Variants in RPS6KC1 observed in about 807,000 individuals in gnomAD.
RPS6KC1 encodes ribosomal protein S6 kinase C1.
Under a neutral mutation model 103.8 loss-of-function variants are expected in RPS6KC1, and 54 were observed. That is an observed-to-expected ratio of 0.52 (90% CI 0.42 to 0.65). The LOEUF (loss-of-function observed/expected upper bound fraction) is 0.65. Among genes scored for constraint, RPS6KC1 ranks in the 30% least tolerant of loss-of-function variants. The pLI is 0.00. For synonymous variants in RPS6KC1, 439 were observed against 438.7 expected (o/e 1.00, Z -0.01); for missense variants, 1,151 against 1,253.8 (o/e 0.92, Z 1.24).
the RPS6KC1 span, chr1:213,819,271 A>G: frequency 6.6e-6 from 1 of 152,256 alleles, no homozygotes; most frequent in African/African-American, 2.4e-5. Context: ...GGTTCACCAC[A>G]CACTCCCTTC....
chr1:213,512,475 C>T, the RPS6KC1 span, among the ~76,000 whole-genome samples: 92,756 of 151,970 alleles, frequency 0.61, 29,333 homozygotes, highest in East Asian at 0.7. Context: ...GCTCTCCCAG[C>T]CTGCTACTTA....
the RPS6KC1 span, among the ~76,000 whole-genome samples, chr1:213,525,472 G>C: frequency 6.6e-6 from 1 of 152,126 alleles, no homozygotes; most frequent in Non-Finnish European, 1.5e-5. Context: ...AAAGTCTGGA[G>C]TTTAAAGAGA....
chr1:213,404,067 C>T, the RPS6KC1 span, among the ~76,000 whole-genome samples: 2 of 152,076 alleles, frequency 1.3e-5, no homozygotes, highest in Admixed American at 6.5e-5. Context: ...TGGATAGTCG[C>T]GGGGGCTGGG....
chr1:213,145,369 T>C (rs1166100617), intron 6 of RPS6KC1, among the ~76,000 whole-genome samples: 2 of 152,094 alleles, frequency 1.3e-5, no homozygotes, highest in Non-Finnish European at 1.5e-5. Flanking sequence ...TTAGAGTTTG[T>C]AGTTAGAGCT....
At chr1:213,793,077 T>C in the RPS6KC1 span, among the ~76,000 whole-genome samples, 2 of 152,110 alleles carry the variant, frequency 1.3e-5, no homozygotes, top group African/African-American at 2.4e-5. Context: ...AGTCTCCATA[T>C]AATCTCTCCC....
intron 8 of RPS6KC1, among the ~76,000 whole-genome samples, chr1:213,196,115 C>T (rs1453087490): frequency 2.0e-5 from 3 of 152,030 alleles, no homozygotes; most frequent in Non-Finnish European, 4.4e-5. Flanking sequence ...GAAGTGTTCC[C>T]TTTTCACCAC....
chr1:213,304,930 A>G, the RPS6KC1 span, among the ~76,000 whole-genome samples: 4 of 152,220 alleles, frequency 2.6e-5, no homozygotes, highest in Non-Finnish European at 5.9e-5. Flanking sequence ...TGCTTTACCT[A>G]TAGTGTTCTA....
In RPS6KC1 at chr1:213,117,305, T is replaced by G. The variant is rs534633318; in HGVS notation, c.379-12T>G. On this transcript the variant is annotated splice_polypyrimidine_tract_variant and intron_variant, in intron 4 of 14. Coordinates refer to ENST00000366960, the MANE Select transcript of RPS6KC1 (RefSeq NM_012424.6). Reference sequence around the variant, plus strand: ...TAATGCTAATGAAACACAATTGCTCTTATCTCTTTAGGGTGGAATAATTAA... The same window carrying G: ...TAATGCTAATGAAACACAATTGCTCGTATCTCTTTAGGGTGGAATAATTAA... 1.0e-4 allele frequency: 156 copies of G among 1,517,706 alleles called. No individual in the cohort carries two copies. Among genetic ancestry groups the G allele is most frequent in the Non-Finnish European group, 1.3e-4 (143 of 1,101,934 alleles). The allele number at this position is 1,517,706 out of a possible 1,614,324, so 94.0% of individuals were successfully genotyped here.
the RPS6KC1 span, among the ~76,000 whole-genome samples, chr1:213,815,612 A>C: frequency 2.0e-5 from 3 of 152,204 alleles, no homozygotes; most frequent in Admixed American, 6.5e-5. Context: ...AATAAAGCAA[A>C]TGTCATAATA....
chr1:213,699,177 C>A, the RPS6KC1 span, among the ~76,000 whole-genome samples: 1 of 151,874 alleles, frequency 6.6e-6, no homozygotes, highest in Non-Finnish European at 1.5e-5. Context: ...TTTTTGTACC[C>A]ATTAACCATC....
chr1:213,289,321 A>G, the RPS6KC1 span, among the ~76,000 whole-genome samples: 1 of 146,358 alleles, frequency 6.8e-6, no homozygotes, highest in Non-Finnish European at 1.5e-5. Flanking sequence ...CCTGGAATGG[A>G]GATGATTTAT....
the RPS6KC1 span, among the ~76,000 whole-genome samples, chr1:213,283,114 C>G: frequency 5.9e-5 from 9 of 152,142 alleles, no homozygotes; most frequent in Non-Finnish European, 8.8e-5. Context: ...CAGCTCTGCT[C>G]ACAACTAACA....
chr1:213,207,735 G>A (rs769890978), intron 8 of RPS6KC1, among the ~76,000 whole-genome samples: 7 of 151,916 alleles, frequency 4.6e-5, no homozygotes, highest in Admixed American at 6.6e-5. Flanking sequence ...GTGCAGTGGC[G>A]CGATCTCAGC....
At chr1:213,791,070 A>G in the RPS6KC1 span, among the ~76,000 whole-genome samples, 364 of 101,898 alleles carry the variant, frequency 3.6e-3, 1 homozygote, top group African/African-American at 0.026. Context: ...TATGAAATAT[A>G]AGAATCTGGG....
chr1:213,451,888 C>G, the RPS6KC1 span, among the ~76,000 whole-genome samples: 4 of 152,162 alleles, frequency 2.6e-5, no homozygotes, highest in South Asian at 2.1e-4. Flanking sequence ...GGAATTCCCC[C>G]CTCCAGTAGC....
At chr1:213,326,783 C>T in the RPS6KC1 span, among the ~76,000 whole-genome samples, 23 of 150,552 alleles carry the variant, frequency 1.5e-4, no homozygotes, top group African/African-American at 5.4e-4. Context: ...TGTGTAGATA[C>T]GCATTAGGCC....
At chr1:213,483,176 G>C in the RPS6KC1 span, among the ~76,000 whole-genome samples, 1 of 152,112 alleles carries the variant, frequency 6.6e-6, no homozygotes, top group Non-Finnish European at 1.5e-5. Context: ...CTGAGCAAAA[G>C]GGGAAAAAGC....
At chr1:213,053,820 G>A (rs544553366) in intron 1 of RPS6KC1, among the ~76,000 whole-genome samples, 1 of 151,926 alleles carries the variant, frequency 6.6e-6, no homozygotes, top group South Asian at 2.1e-4. Context: ...AAAAGGAAAG[G>A]TTAACCAAAT....
At chr1:213,854,510 C>CTCTTTCTTTCTTTCTTTCTTTCTT in the RPS6KC1 span, among the ~76,000 whole-genome samples, 4 of 120,934 alleles carry the variant, frequency 3.3e-5, no homozygotes, top group Non-Finnish European at 7.0e-5. Context: ...CTCTTTCTTT[C>CTCTTTCTTTCTTTCTTTCTTTCTT]TCTTTCTTTC....
Sources: allele counts gnomAD v4.1 joint callset (sites outside exome capture counted in the v4.1 genomes callset), GRCh38; gene constraint gnomAD v4.1.1; transcripts MANE v1.5; gene names NCBI Gene and HGNC (gene_info 2026-07-23, HGNC 2026-07-21).